The following DAPK3 variants were observed in gnomAD, a reference collection of about 807,000 sequenced individuals.
DAPK3 encodes the protein death associated protein kinase 3.
In DAPK3, 24 loss-of-function variants were observed where a neutral mutation model predicts 30.6. That is an observed-to-expected ratio of 0.78 (90% CI 0.57 to 1.10). DAPK3 has a LOEUF of 1.10. Ranked by LOEUF, DAPK3 falls within the 50% of genes least tolerant of loss-of-function variation. The pLI is 0.00. For synonymous variants in DAPK3, 341 were observed against 284.0 expected, an observed-to-expected ratio of 1.20 and a Z score of -2.02; for missense variants, 629 against 657.3, an observed-to-expected ratio of 0.96 and a Z score of 0.47.
At chr19:3,961,457 AG>A (rs778161207) in intron 6 of DAPK3, 1 of 565,384 alleles carries the variant, frequency 1.8e-6, no homozygotes, top group Non-Finnish European at 3.6e-6. Flanking sequence ...CCCAGTGCTC[AG>A]TAACGCCGAG....
Position 3,959,482 on chromosome 19 carries a change from C to A in DAPK3, c.984G>T (p.Val328=). 6.4e-7 allele frequency: 1 copy of A among 1,552,448 alleles called. No individual in the cohort carries two copies. The highest frequency in any genetic ancestry group is 8.6e-7 in the Non-Finnish European group (1 of 1,156,132). Reference sequence around the variant, plus strand: ...CCTCGGCGGCCGCCGCCTCCTCCAGCACCTTGGAGAAGCGCTCGAAGTCGG... The same window carrying A: ...CCTCGGCGGCCGCCGCCTCCTCCAGAACCTTGGAGAAGCGCTCGAAGTCGG... ...SYADFERFSK[V]LEEAAAAEEG... is the part of the protein sequence containing the mutation. Residue 328 remains valine, a synonymous_variant, in exon 9 of 9, where the codon GTG becomes GTT. Transcript: ENST00000545797.
rs371459903 is a variant in DAPK3 at position 3,961,166 on chromosome 19, G to A, written c.630-5C>T. 68 of 1,610,034 alleles carry A rather than the reference G, an allele frequency of 4.2e-5. No homozygotes were observed. The highest frequency in any genetic ancestry group is 5.0e-5 in the Non-Finnish European group (59 of 1,178,592). Reference sequence around the variant, plus strand: ...AACGGGGATGCACCGCTCAGGCTGCGAGACAGGCGTGGGGGCTCAGTGGGG... The same window carrying A: ...AACGGGGATGCACCGCTCAGGCTGCAAGACAGGCGTGGGGGCTCAGTGGGG... On this transcript the variant is annotated splice_region_variant and splice_polypyrimidine_tract_variant and intron_variant, in intron 6 of 8. Transcript: ENST00000545797.
At chr19:3,968,468 G>C (rs2145342989) in intron 2 of DAPK3, among the ~76,000 whole-genome samples, 1 of 151,346 alleles carries the variant, frequency 6.6e-6, no homozygotes, top group South Asian at 2.1e-4. Flanking sequence ...GAATGAGATA[G>C]TGTCAAGGAA....
intron 2 of DAPK3, among the ~76,000 whole-genome samples, chr19:3,967,970 CTAAA>C (rs1250542217): frequency 2.8e-4 from 43 of 152,172 alleles, no homozygotes. Flanking sequence ...AAACAGAAGG[CTAAA>C]TACTTTTTTT....
intron 5 of DAPK3, 71 bp from the exon 6 acceptor site, chr19:3,963,740 G>T: frequency 7.4e-7 from 1 of 1,355,444 alleles, no homozygotes; most frequent in East Asian, 2.5e-5. Context: ...GTGGCGTCCA[G>T]CGCCCCTGTT....
intron 1 of DAPK3, chr19:3,970,630 G>C (rs1386671087): frequency 1.3e-5 from 2 of 150,810 alleles, no homozygotes. Flanking sequence ...CTTCCTCCAC[G>C]CTCCATGTAT....
chr19:3,961,778 C>G (rs559301828), intron 6 of DAPK3: 33 of 318,082 alleles, frequency 1.0e-4, no homozygotes, highest in African/African-American at 6.7e-4. Flanking sequence ...GGCGAAGGAG[C>G]TGAATGGCTA....
chr19:3,964,604 G>T, intron 3 of DAPK3, 27 bp downstream of exon 3: 2 of 922,746 alleles, frequency 2.2e-6, no homozygotes, highest in Non-Finnish European at 3.1e-6. Context: ...TGGCCAGGCC[G>T]GCCCCACAGG....
At position 3,964,623 on chromosome 19, in the gene DAPK3, G is replaced by C. The variant is rs2039556901; in HGVS notation, c.423+8C>G. On this transcript the variant is annotated splice_region_variant and intron_variant, in intron 3 of 8. Coordinates refer to ENST00000545797, the MANE Select transcript of DAPK3 (RefSeq NM_001348.3). ...CAGGCCGGCCCCACAGGGCCCTACA[G>C]GGCTCACCTTCAGGTCAAAGTGTGC... 1 of 1,375,510 alleles carries C rather than the reference G, an allele frequency of 7.3e-7. No homozygotes were observed. Among genetic ancestry groups the C allele is most frequent in the African/African-American group, 1.6e-5 (1 of 64,414 alleles). The allele number at this position is 1,375,510 out of a possible 1,614,324, so 85.2% of individuals were successfully genotyped here. A position where few individuals can be genotyped will look rare whatever the true frequency, so the allele number is the denominator to read the frequency against.
intron 6 of DAPK3, among the ~76,000 whole-genome samples, chr19:3,962,280 G>A (rs1047599554): frequency 6.6e-6 from 1 of 152,246 alleles, no homozygotes; most frequent in African/African-American, 2.4e-5. Context: ...TGCTGTTTCT[G>A]TTGCTCCTTT....
chr19:3,964,568 T>TCC, intron 3 of DAPK3, 63 bp downstream of exon 3: 72 of 1,320,998 alleles, frequency 5.5e-5, no homozygotes, highest in Middle Eastern at 2.5e-4. Context: ...TCCAGGCTCT[T>TCC]CCCCGCCCCA....
At chr19:3,968,994 C>CT (rs1485360019) in intron 2 of DAPK3, among the ~76,000 whole-genome samples, 14 of 152,232 alleles carry the variant, frequency 9.2e-5, no homozygotes, top group Non-Finnish European at 4.4e-5. Flanking sequence ...GAAACCTCTG[C>CT]TTTTTCCCAC....
intron 5 of DAPK3, 34 bp downstream of exon 5, chr19:3,963,837 A>C (rs2039545121): frequency 8.8e-6 from 13 of 1,477,530 alleles, no homozygotes; most frequent in Non-Finnish European, 1.2e-5. Context: ...CCAGGAATGC[A>C]GGGAGGCCCG....
Position 3,959,575 on chromosome 19 carries a change from C to T in DAPK3, c.891G>A (p.Leu297=). 6.3e-7 allele frequency: 1 copy of T among 1,583,382 alleles called. No individual in the cohort carries two copies. The highest frequency in any genetic ancestry group is 8.5e-7 in the Non-Finnish European group (1 of 1,173,784). The change falls in exon 9 of 9, where the codon CTG becomes CTA. Residue 297 remains leucine, a synonymous_variant. Transcript: ENST00000545797. The stretch of plus-strand genomic sequence containing the variant: ...TGTACTCCTTCAGACGCGTGGTCTT[C>T]AGGCGCCGCCGCTCGGGCTTGCGGC... ...DSGRKPERRR[L]KTTRLKEYTI...
At chr19:3,960,199 C>T (rs1389150565) in intron 7 of DAPK3, 95 bp from the exon 8 acceptor site, 9 of 712,882 alleles carry the variant, frequency 1.3e-5, no homozygotes, top group South Asian at 8.2e-5. Context: ...GCCCTAAAGT[C>T]GCCCCCCAGC....
chr19:3,963,992 G>A (rs751041529), intron 4 of DAPK3, 73 bp from the exon 5 acceptor site: 1 of 1,029,962 alleles, frequency 9.7e-7, no homozygotes, highest in Non-Finnish European at 1.5e-6. Context: ...ACACAGGCAT[G>A]GGGTCAAGGT....
At chr19:3,962,398 G>GT (rs1396440247) in intron 6 of DAPK3, among the ~76,000 whole-genome samples, 4 of 152,196 alleles carry the variant, frequency 2.6e-5, no homozygotes, top group African/African-American at 9.7e-5. Flanking sequence ...CCACGCCATT[G>GT]TTTATTTCCT....
chr19:3,961,365 G>C (rs368728349), intron 6 of DAPK3: 1 of 715,040 alleles, frequency 1.4e-6, no homozygotes, highest in East Asian at 2.8e-5. Flanking sequence ...CCCCCACCCC[G>C]CCACTGACAG....
Position 3,964,975 on chromosome 19 carries a change from CGA to C in DAPK3, c.77_78del (p.Ile26SerfsTer77). ...GTGCCCTTCTGCCGGCACTTCCGCA[CGA>C]TCGCAAACTGGCCGCTGGAGGAGGG... ...GEELGSGQFA[I>X]VRKCRQKGTG... On this transcript the variant is annotated frameshift_variant, in exon 3 of 9. Transcript: ENST00000545797. LOFTEE classifies it high-confidence loss of function. 1 of 1,602,006 alleles carries C rather than the reference CGA, an allele frequency of 6.2e-7. No individual in the cohort carries two copies. The highest frequency in any genetic ancestry group is 8.5e-7 in the Non-Finnish European group (1 of 1,171,964).
Sources: gnomAD v4.1 joint callset for allele counts (sites outside exome capture counted in the v4.1 genomes callset) on GRCh38, gnomAD v4.1.1 for gene constraint, MANE v1.5 for transcripts, NCBI Gene and HGNC (gene_info 2026-07-23, HGNC 2026-07-21) for gene names.